Variants in G3BP1 observed in about 807,000 individuals in gnomAD.
The protein encoded by G3BP1 is G3BP stress granule assembly factor 1, also known as ras GTPase-activating protein-binding protein 1.
G3BP1 carries 35 observed loss-of-function variants against 58.6 expected under a neutral mutation model. The observed-to-expected ratio is 0.60, with a 90% CI of 0.46 to 0.79. G3BP1 has a LOEUF of 0.79. Ranked by LOEUF, G3BP1 falls within the 30% of genes least tolerant of loss-of-function variation. The pLI is 0.00. For synonymous variants in G3BP1, 191 were observed against 195.4 expected (o/e 0.98, Z 0.19); for missense variants, 523 against 580.8 (o/e 0.90, Z 1.02).
chr5:151,780,803 C>T (rs969171318), intron 1 of G3BP1, among the ~76,000 whole-genome samples: 1 of 152,136 alleles, frequency 6.6e-6, no homozygotes. Flanking sequence ...TGAGCCACCG[C>T]GCCTGGCTGA....
At chr5:151,791,876 C>G in intron 4 of G3BP1, 2 of 326,830 alleles carry the variant, frequency 6.1e-6, no homozygotes, top group South Asian at 4.8e-5. Flanking sequence ...AGGCTGGTCT[C>G]TAACTCCTGA....
Position 151,805,557 on chromosome 5 carries a change from C to T in G3BP1, c.*1466C>T, listed in dbSNP as rs887111703. 1.3e-5 allele frequency: 2 copies of T among 152,140 alleles called. No individual in the cohort carries two copies. Among genetic ancestry groups the T allele is most frequent in the Non-Finnish European group, 2.9e-5 (2 of 68,022 alleles). 9.4% of individuals were successfully genotyped at this position (152,140 alleles called of 1,614,324 possible). A position where few individuals can be genotyped will look rare whatever the true frequency, so the allele number is the denominator to read the frequency against. ...CTTTAGGACTGTCGTTTGAGGATAG[C>T]ATAGGAATATTTGGTTTGCATTACT... On this transcript the variant is annotated 3_prime_UTR_variant, in exon 12 of 12. Coordinates refer to ENST00000356245, the MANE Select transcript of G3BP1 (RefSeq NM_005754.3).
At chr5:151,775,633 C>T (rs981076317) in intron 1 of G3BP1, among the ~76,000 whole-genome samples, 1 of 152,254 alleles carries the variant, frequency 6.6e-6, no homozygotes, top group African/African-American at 2.4e-5. Context: ...TGTTTCTGCA[C>T]TGAGGTTGCC....
Position 151,800,207 on chromosome 5 carries a change from C to G in G3BP1, c.956-11C>G. On this transcript the variant is annotated splice_polypyrimidine_tract_variant and intron_variant, in intron 9 of 11. Transcript: ENST00000356245. ...TCTTGTCTTTCATTGATGTTTTTGT[C>G]TCCTTTTAAGTCCGTGAGGCTGGTG... 1 of 1,609,436 alleles carries G rather than the reference C, an allele frequency of 6.2e-7. No individual in the cohort carries two copies. The highest frequency in any genetic ancestry group is 8.5e-7 in the Non-Finnish European group (1 of 1,178,742).
At position 151,809,782 on chromosome 5, in the gene G3BP1, T is replaced by C. The variant is rs980546047; in HGVS notation, c.*5691T>C. The C allele has an allele frequency of 2.6e-5, 4 of 152,134 alleles. No homozygotes were observed. The highest frequency in any genetic ancestry group is 4.4e-5 in the Non-Finnish European group (3 of 68,008). 9.4% of individuals were successfully genotyped at this position (152,134 alleles called of 1,614,324 possible). On this transcript the variant is annotated 3_prime_UTR_variant, in exon 12 of 12. Transcript: ENST00000356245. Reference sequence around the variant, plus strand: ...AGTTTGTCAGGAGAAAAAGGGAAGGTATCACTTTTTGTATGTTCACCCAGT... The same window carrying C: ...AGTTTGTCAGGAGAAAAAGGGAAGGCATCACTTTTTGTATGTTCACCCAGT...
chr5:151,772,846 A>G (rs553912909), intron 1 of G3BP1, among the ~76,000 whole-genome samples: 5 of 152,254 alleles, frequency 3.3e-5, no homozygotes, highest in African/African-American at 1.2e-4. Context: ...TCGGGGCAGC[A>G]TCAGCCTCAA....
At chr5:151,777,177 G>C (rs1279255250) in intron 1 of G3BP1, among the ~76,000 whole-genome samples, 3 of 152,094 alleles carry the variant, frequency 2.0e-5, no homozygotes, top group African/African-American at 4.8e-5. Context: ...GTTGGCTTCT[G>C]TATTCATGTT....
rs1763009895 is a variant in G3BP1, at chr5:151,811,000, C to T, written c.*6909C>T. The T allele has an allele frequency of 2.0e-5, 3 of 152,132 alleles. No homozygotes were observed. Among genetic ancestry groups the T allele is most frequent in the African/African-American group, 7.2e-5 (3 of 41,426 alleles). 9.4% of individuals were successfully genotyped at this position (152,132 alleles called of 1,614,324 possible). ...TTCATTTCTTTGCAAAAACTTGTTC[C>T]TTCTTTCAGTTCATGACATCATCCA... On this transcript the variant is annotated 3_prime_UTR_variant, in exon 12 of 12. Coordinates refer to ENST00000356245, the MANE Select transcript of G3BP1 (RefSeq NM_005754.3).
At chr5:151,777,726 TAAAAG>T (rs1271892653) in intron 1 of G3BP1, among the ~76,000 whole-genome samples, 2 of 152,074 alleles carry the variant, frequency 1.3e-5, no homozygotes, top group Non-Finnish European at 2.9e-5. Context: ...AGGAGACTCT[TAAAAG>T]AAGGTATACC....
chr5:151,803,317 G>A (rs983537442), intron 11 of G3BP1, among the ~76,000 whole-genome samples: 2 of 151,564 alleles, frequency 1.3e-5, no homozygotes, highest in African/African-American at 4.9e-5. Context: ...TTTTTATTGG[G>A]ACGGAGTCTC....
chr5:151,786,850 A>G (rs564613053), intron 2 of G3BP1, 135 bp downstream of exon 2: 13 of 609,880 alleles, frequency 2.1e-5, no homozygotes, highest in Middle Eastern at 2.7e-4. Flanking sequence ...ATATCCCCCA[A>G]TTTTTTATTT....
In G3BP1 at chr5:151,797,352, C is replaced by G; in HGVS notation, c.665C>G (p.Thr222Ser). Residue 222 changes from threonine to serine, a missense_variant, in exon 7 of 12, where the codon ACT becomes AGT. Physicochemically the swap from Thr to Ser is moderately conservative, Grantham distance 58. Transcript: ENST00000356245. ...AAGCCTGAGCCAGTATTAGAAGAAACTGCCCCTGAGGATGCTCAGAAGAGT... is the reference window on the plus strand; with the variant it reads ...AAGCCTGAGCCAGTATTAGAAGAAAGTGCCCCTGAGGATGCTCAGAAGAGT... ...EEKPEPVLEETAPEDAQKSSS... is the reference protein window; with the variant it reads ...EEKPEPVLEESAPEDAQKSSS... 6.2e-7 allele frequency: 1 copy of G among 1,614,122 alleles called. No individual in the cohort carries two copies. The highest frequency in any genetic ancestry group is 8.5e-7 in the Non-Finnish European group (1 of 1,179,966).
intron 1 of G3BP1, among the ~76,000 whole-genome samples, chr5:151,774,343 GTT>G (rs201707129): frequency 6.8e-6 from 1 of 146,974 alleles, no homozygotes. Context: ...GTAACTTATG[GTT>G]TTTTTTTTTC....
At chr5:151,791,445 AG>A (rs1762650725) in intron 4 of G3BP1, 1 of 173,286 alleles carries the variant, frequency 5.8e-6, no homozygotes, top group Non-Finnish European at 1.3e-5. Flanking sequence ...CATTGCATTT[AG>A]CTATCATGTC....
intron 2 of G3BP1, chr5:151,787,813 G>A: frequency 3.3e-6 from 1 of 302,942 alleles, no homozygotes; most frequent in Non-Finnish European, 6.7e-6. Flanking sequence ...TAAAATTTAT[G>A]AATGTATTCA....
chr5:151,779,964 C>T (rs888235444), intron 1 of G3BP1, among the ~76,000 whole-genome samples: 1 of 152,136 alleles, frequency 6.6e-6, no homozygotes, highest in Non-Finnish European at 1.5e-5. Context: ...GTATATGTAC[C>T]TAGAAGAGAA....
chr5:151,783,154 G>A (rs1252871041), intron 1 of G3BP1, among the ~76,000 whole-genome samples: 1 of 151,878 alleles, frequency 6.6e-6, no homozygotes, highest in Non-Finnish European at 1.5e-5. Context: ...ACTGCACCCA[G>A]CCTTTCTGTG....
chr5:151,795,710 C>T, intron 6 of G3BP1, 135 bp downstream of exon 6: 1 of 534,184 alleles, frequency 1.9e-6, no homozygotes, highest in Non-Finnish European at 3.4e-6. Context: ...GGTTTTGTTT[C>T]TGGTAATTTT....
At chr5:151,788,864 G>A (rs1019920570) in intron 2 of G3BP1, among the ~76,000 whole-genome samples, 5 of 151,424 alleles carry the variant, frequency 3.3e-5, no homozygotes, top group Non-Finnish European at 5.9e-5. Context: ...CACAACCTCT[G>A]TCTCCCAGGT....
Sources: allele counts gnomAD v4.1 joint callset (sites outside exome capture counted in the v4.1 genomes callset), GRCh38; gene constraint gnomAD v4.1.1; transcripts MANE v1.5; gene names NCBI Gene and HGNC (gene_info 2026-07-23, HGNC 2026-07-21).